GTF3C5: variants seen among roughly 807,000 people sequenced by gnomAD.
GTF3C5 encodes the protein general transcription factor IIIC subunit 5.
Under a neutral mutation model 61.0 loss-of-function variants are expected in GTF3C5, and 47 were observed. The ratio of observed to expected loss-of-function variants is 0.77; its 90% CI spans 0.61 to 0.98. The LOEUF (loss-of-function observed/expected upper bound fraction) is 0.98. GTF3C5 is among the 50% of genes least tolerant of loss of function. The pLI, the probability that GTF3C5 is intolerant of heterozygous loss-of-function variation, is 0.00. For missense variants in GTF3C5, 659 were observed against 703.3 expected (o/e 0.94, Z 0.71); for synonymous variants, 295 against 275.4 (o/e 1.07, Z -0.71).
At chr9:133,052,921 C>T (rs1246437587) in intron 5 of GTF3C5, among the ~76,000 whole-genome samples, 1 of 152,170 alleles carries the variant, frequency 6.6e-6, no homozygotes, top group Non-Finnish European at 1.5e-5. Flanking sequence ...CAACCTCCGC[C>T]TCTGGGATTC....
chr9:133,043,905 A>G lies in GTF3C5; in HGVS notation c.551A>G (p.Tyr184Cys), dbSNP rs755803250. 1.2e-6 allele frequency: 2 copies of G among 1,613,698 alleles called. No individual in the cohort carries two copies. Among genetic ancestry groups the G allele is most frequent in the South Asian group, 2.2e-5 (2 of 91,060 alleles). Residue 184 changes from tyrosine to cysteine, a missense_variant, in exon 3 of 11, where the codon TAC (tyrosine) becomes TGC (cysteine). Transcript: ENST00000372097. ...CTGGACGCCCCGGTGGACTACTTCTACCGACCAGAGACCCAGCACCGGTAA... is the reference window on the plus strand; with the variant it reads ...CTGGACGCCCCGGTGGACTACTTCTGCCGACCAGAGACCCAGCACCGGTAA... ...SRLDAPVDYF[Y>C]RPETQHREGY... is the part of the protein sequence containing the mutation.
intron 1 of GTF3C5, among the ~76,000 whole-genome samples, chr9:133,036,853 C>T (rs1264123069): frequency 6.6e-6 from 1 of 152,114 alleles, no homozygotes; most frequent in Non-Finnish European, 1.5e-5. Flanking sequence ...TCCTGTCCTT[C>T]GTATCAAGTG....
chr9:133,032,353 G>T (rs1388216403), intron 1 of GTF3C5, among the ~76,000 whole-genome samples: 1 of 152,200 alleles, frequency 6.6e-6, no homozygotes, highest in Non-Finnish European at 1.5e-5. Flanking sequence ...AGGGGTGTGG[G>T]TTACAGTGAC....
chr9:133,045,292 T>C (rs1203921891), intron 3 of GTF3C5, among the ~76,000 whole-genome samples: 1 of 152,088 alleles, frequency 6.6e-6, no homozygotes, highest in Admixed American at 6.5e-5. Context: ...ATCGTACACA[T>C]GAGGAAGCCG....
chr9:133,031,735 T>G (rs1849738594), intron 1 of GTF3C5, among the ~76,000 whole-genome samples: 1 of 152,222 alleles, frequency 6.6e-6, no homozygotes, highest in Non-Finnish European at 1.5e-5. Flanking sequence ...ACAGCTAGTC[T>G]CTACTGCTGT....
At chr9:133,053,310 CATG>C (rs1278344751) in intron 5 of GTF3C5, among the ~76,000 whole-genome samples, 1 of 152,214 alleles carries the variant, frequency 6.6e-6, no homozygotes, top group African/African-American at 2.4e-5. Context: ...GGAGGCCAGG[CATG>C]ATGGCTCACT....
intron 1 of GTF3C5, among the ~76,000 whole-genome samples, chr9:133,037,198 A>G (rs1849887754): frequency 6.6e-6 from 1 of 152,178 alleles, no homozygotes; most frequent in South Asian, 2.1e-4. Flanking sequence ...GACAAGGGGC[A>G]TGCCCAAAAA....
Position 133,042,121 on chromosome 9 carries a change from A to T in GTF3C5, c.188A>T (p.Tyr63Phe), listed in dbSNP as rs1445079043. Residue 63 changes from tyrosine to phenylalanine, a missense_variant, in exon 2 of 11, where the codon TAC (tyrosine) becomes TTC (phenylalanine). Transcript: ENST00000372097. ...YADPTKRLEL[Y>F]FRPKDPYCHP... is the part of the protein sequence containing the mutation. The stretch of plus-strand genomic sequence containing the variant: ...GACCCCACCAAGAGGCTGGAGCTGT[A>T]CTTCCGGCCCAAGGACCCATACTGC... The T allele has an allele frequency of 1.2e-6, 2 of 1,613,852 alleles. No homozygotes were observed. The highest frequency in any genetic ancestry group is 1.7e-6 in the Non-Finnish European group (2 of 1,179,966).
intron 1 of GTF3C5, among the ~76,000 whole-genome samples, chr9:133,038,729 T>G (rs936561579): frequency 2.0e-5 from 3 of 151,990 alleles, no homozygotes; most frequent in Admixed American, 2.0e-4. Flanking sequence ...AGTGCTGGGA[T>G]TACAGGTGTG....
At chr9:133,033,446 G>C (rs576935094) in intron 1 of GTF3C5, among the ~76,000 whole-genome samples, 2 of 152,282 alleles carry the variant, frequency 1.3e-5, no homozygotes, top group South Asian at 4.1e-4. Flanking sequence ...GCAGATTCAT[G>C]GGTAAGCTCT....
rs751495920 is a variant in GTF3C5 at position 133,057,905 on chromosome 9, AGAG to A, written c.1497_1499del (p.Glu499del). On this transcript the variant is annotated inframe_deletion, in exon 11 of 11. Coordinates refer to ENST00000372097, the MANE Select transcript of GTF3C5 (RefSeq NM_012087.4). ...ACGAGGAGGATGAGGAGGAGGAGGA[AGAG>A]GAGGAGGAGGACTTCAAGCCATCCG... 118 of 1,613,098 alleles carry A rather than the reference AGAG, an allele frequency of 7.3e-5. No individual in the cohort carries two copies. In the Middle Eastern group the frequency reaches 2.3e-3, roughly 32 times the overall value.
At chr9:133,031,691 C>T (rs1588459006) in intron 1 of GTF3C5, among the ~76,000 whole-genome samples, 1 of 152,160 alleles carries the variant, frequency 6.6e-6, no homozygotes. Context: ...GAGAGCACAC[C>T]GACAAGGAAG....
chr9:133,056,037 G>T lies in GTF3C5; in HGVS notation c.1193G>T (p.Gly398Val), dbSNP rs761659472. 3.1e-6 allele frequency: 5 copies of T among 1,614,026 alleles called. No homozygotes were observed. In the African/African-American group the frequency reaches 6.7e-5, roughly 22 times the overall value. ...LKDSVYIFRE[G>V]ALPPYRQMFY... ...GACTCTGTCTACATCTTCCGGGAAG[G>T]GGCCTTGCCACCCTATCGGCAGATG... Residue 398 changes from glycine (G) to valine (V), a missense_variant, in exon 9 of 11, where the codon GGG becomes GTG. Physicochemically the swap from Gly to Val is moderately radical, Grantham distance 109. Transcript: ENST00000372097.
intron 5 of GTF3C5, among the ~76,000 whole-genome samples, chr9:133,052,537 G>A (rs1360680143): frequency 1.3e-5 from 2 of 152,110 alleles, no homozygotes; most frequent in South Asian, 2.1e-4. Flanking sequence ...GACCACAGCG[G>A]CCCCATGTCG....
Position 133,050,576 on chromosome 9 carries a change from T to A in GTF3C5, c.573-207T>A, listed in dbSNP as rs568174432. Among the ~76,000 whole-genome samples, 8 of 152,336 alleles carry A rather than the reference T, an allele frequency of 5.3e-5. No homozygotes were observed. The South Asian group carries it at 1.7e-3, about 32-fold the overall frequency. ...GCCCCAGGGTTTCTCTGAGTTGTCA[T>A]AGGCAGTTGTGGCTGCGTCTCTTCC... On this transcript the variant is annotated intron_variant, in intron 3 of 10. Transcript: ENST00000372097.
intron 1 of GTF3C5, among the ~76,000 whole-genome samples, chr9:133,040,144 C>T (rs529521984): frequency 1.8e-4 from 27 of 152,308 alleles, no homozygotes; most frequent in Admixed American, 7.2e-4. Flanking sequence ...TCACTCTTCT[C>T]ATGTTTCTTG....
Position 133,053,941 on chromosome 9 carries a change from C to T in GTF3C5, c.987C>T (p.His329=), listed in dbSNP as rs752185413. Residue 329 remains histidine, a splice_region_variant and synonymous_variant, in exon 6 of 11, where the codon CAC becomes CAT. Transcript: ENST00000372097. ...TCCGAATCCGTTGTGGAATGAAACACGGTAAAAATTCCTGAAAGCTTTGCT... is the reference window on the plus strand; with the variant it reads ...TCCGAATCCGTTGTGGAATGAAACATGGTAAAAATTCCTGAAAGCTTTGCT... The part of the protein sequence containing the change: ...LDFRIRCGMK[H]GYAPSDLPVK... 14 of 1,582,546 alleles carry T rather than the reference C, an allele frequency of 8.8e-6. No homozygotes were observed. The highest frequency in any genetic ancestry group is 1.1e-5 in the South Asian group (1 of 90,034).
At chr9:133,055,951 A>G (rs1474059780) in intron 8 of GTF3C5, 61 bp from the exon 9 acceptor site, 9 of 1,608,384 alleles carry the variant, frequency 5.6e-6, no homozygotes, top group Non-Finnish European at 7.6e-6. Context: ...TGGAGTCTGC[A>G]ACACTGGCAG....
At chr9:133,054,057 G>GC in intron 6 of GTF3C5, 115 bp downstream of exon 6, 1 of 745,248 alleles carries the variant, frequency 1.3e-6, no homozygotes, top group South Asian at 1.9e-5. Context: ...AAAACCTTTT[G>GC]CCCCCGTTGC....
Sources: gnomAD v4.1 joint callset for allele counts (sites outside exome capture counted in the v4.1 genomes callset) on GRCh38, gnomAD v4.1.1 for gene constraint, MANE v1.5 for transcripts, NCBI Gene and HGNC (gene_info 2026-07-23, HGNC 2026-07-21) for gene names.